Variants in ZFP62 observed in about 807,000 individuals in gnomAD.
ZFP62 encodes the protein ZFP62 zinc finger protein, also known as zinc finger protein 62 homolog.
Under a neutral mutation model 56.4 loss-of-function variants are expected in ZFP62, and 44 were observed. The ratio of observed to expected loss-of-function variants is 0.78; its 90% CI spans 0.61 to 1.00. The LOEUF (loss-of-function observed/expected upper bound fraction) is 1.00, where lower values mean the gene tolerates loss of function less well. Ranked by LOEUF, ZFP62 falls within the 50% of genes least tolerant of loss-of-function variation. ZFP62 has a pLI of 0.00. For synonymous variants in ZFP62, 421 were observed against 388.9 expected (o/e 1.08, Z -0.97); for missense variants, 1,030 against 1,085.7 (o/e 0.95, Z 0.72).
At chr5:180,834,103 T>C in the ZFP62 span, among the ~76,000 whole-genome samples, 1 of 152,206 alleles carries the variant, frequency 6.6e-6, no homozygotes, top group Admixed American at 6.5e-5. Context: ...CTTTGGGAAG[T>C]AACTAATTAG....
At chr5:180,842,112 A>G in the ZFP62 span, among the ~76,000 whole-genome samples, 1 of 152,330 alleles carries the variant, frequency 6.6e-6, no homozygotes, top group East Asian at 1.9e-4. Flanking sequence ...TGAGCACTCA[A>G]TGGGTATATT....
the ZFP62 span, among the ~76,000 whole-genome samples, chr5:180,837,072 C>T: frequency 2.0e-3 from 309 of 152,310 alleles, no homozygotes; most frequent in Admixed American, 3.7e-3. Flanking sequence ...CTTCCCAGAG[C>T]AATGAAGCTT....
downstream of ZFP62, among the ~76,000 whole-genome samples, chr5:180,844,699 C>G (rs1396743807): frequency 6.6e-6 from 1 of 152,188 alleles, no homozygotes; most frequent in Non-Finnish European, 1.5e-5. Flanking sequence ...AAAGACAAAA[C>G]ATGTTTGTTT....
chr5:180,840,602 CA>C, the ZFP62 span, among the ~76,000 whole-genome samples: 1 of 151,856 alleles, frequency 6.6e-6, no homozygotes, highest in East Asian at 1.9e-4. Flanking sequence ...ACTAAAAATA[CA>C]AAAATGAGCC....
At chr5:180,835,059 G>C in the ZFP62 span, 1 of 152,342 alleles carries the variant, frequency 6.6e-6, no homozygotes, top group African/African-American at 2.4e-5. Flanking sequence ...CCAGCCTTCA[G>C]AACTCTAAGA....
chr5:180,831,685 GCCCAACGA>G, the ZFP62 span: 1 of 152,542 alleles, frequency 6.6e-6, no homozygotes, highest in Non-Finnish European at 1.5e-5. Context: ...ACCCGGACCT[GCCCAACGA>G]CCGTTCTCCA....
rs371983994 is a variant in ZFP62 at position 180,853,253 on chromosome 5, GC to G, written c.2-1761del. Among the ~76,000 whole-genome samples the G allele has an allele frequency of 2.6e-3, 401 of 152,302 alleles. 2 individuals are homozygous for G. Among genetic ancestry groups the G allele is most frequent in the African/African-American group, 9.0e-3 (375 of 41,572 alleles). Reference sequence around the variant, plus strand: ...GGAGTACTGAAAAAGGACGAGGAGCGCTTCTGAATTGATATGGAGCAATCTG... The same window carrying G: ...GGAGTACTGAAAAAGGACGAGGAGCGTTCTGAATTGATATGGAGCAATCTG... On this transcript the variant is annotated intron_variant, in intron 1 of 1. Coordinates refer to ENST00000502412, the MANE Select transcript of ZFP62 (RefSeq NM_001172638.2).
intron 1 of ZFP62, chr5:180,860,431 A>C (rs1774237687): frequency 6.6e-6 from 1 of 152,148 alleles, no homozygotes; most frequent in Non-Finnish European, 1.5e-5. Context: ...CAGCACACCC[A>C]GCCCTGGCAT....
chr5:180,858,506 G>T (rs1039850859), intron 1 of ZFP62, among the ~76,000 whole-genome samples: 2 of 152,052 alleles, frequency 1.3e-5, no homozygotes, highest in African/African-American at 4.8e-5. Context: ...GACTTGGGAG[G>T]CTGAGGCACA....
At chr5:180,836,145 G>C in the ZFP62 span, among the ~76,000 whole-genome samples, 2 of 152,210 alleles carry the variant, frequency 1.3e-5, no homozygotes, top group African/African-American at 4.8e-5. Context: ...CTAGGTTTGT[G>C]AGTGTGCCCT....
downstream of ZFP62, among the ~76,000 whole-genome samples, chr5:180,843,934 A>G (rs1581953585): frequency 4.6e-5 from 7 of 152,380 alleles, 2 homozygotes; most frequent in Admixed American, 4.6e-4. Flanking sequence ...CAACAATAAC[A>G]AAAATATAAC....
chr5:180,831,063 C>G, the ZFP62 span: 2 of 152,482 alleles, frequency 1.3e-5, no homozygotes, highest in Admixed American at 1.3e-4. Context: ...CAGGAACTTA[C>G]TGGGGCTGCA....
At chr5:180,827,874 A>G in the ZFP62 span, among the ~76,000 whole-genome samples, 1 of 152,236 alleles carries the variant, frequency 6.6e-6, no homozygotes, top group Non-Finnish European at 1.5e-5. Flanking sequence ...TGCGGGCAGC[A>G]ATACTGCTTT....
chr5:180,847,651 C>T lies in ZFP62; in HGVS notation c.*1141G>A. 3 of 985,434 alleles carry T rather than the reference C, an allele frequency of 3.0e-6. No homozygotes were observed. Among genetic ancestry groups the T allele is most frequent in the South Asian group, 9.4e-5 (2 of 21,292 alleles). The allele number at this position is 985,434 out of a possible 1,614,324, so 61.0% of individuals were successfully genotyped here. A position where few individuals can be genotyped will look rare whatever the true frequency, so the allele number is the denominator to read the frequency against. ...TTTCTTTATTGGAATTCCACTTTAC[C>T]TCGCCACAAGGAGCTGGCTTTCATG... On this transcript the variant is annotated 3_prime_UTR_variant, in exon 2 of 2. Coordinates refer to ENST00000502412, the MANE Select transcript of ZFP62 (RefSeq NM_001172638.2).
intron 1 of ZFP62, among the ~76,000 whole-genome samples, chr5:180,853,861 G>A (rs1186993409): frequency 1.3e-5 from 2 of 152,202 alleles, no homozygotes; most frequent in African/African-American, 4.8e-5. Flanking sequence ...GTTGGGCTCA[G>A]GGCTCTCCTA....
At chr5:180,845,587 T>C (rs1773395458), downstream of ZFP62, 1 of 413,462 alleles carries the variant, frequency 2.4e-6, no homozygotes, top group South Asian at 1.0e-4. Flanking sequence ...AGGAAGACAA[T>C]TGAAGTACTG....
intron 1 of ZFP62, among the ~76,000 whole-genome samples, chr5:180,857,786 C>T (rs1000065098): frequency 1.1e-4 from 15 of 137,380 alleles, no homozygotes; most frequent in South Asian, 2.4e-4. Context: ...CGTGAACCAC[C>T]GCACCCAGAC....
Position 180,848,618 on chromosome 5 carries a change from A to G in ZFP62, c.*174T>C. On this transcript the variant is annotated 3_prime_UTR_variant, in exon 2 of 2. Transcript: ENST00000502412. ...CCTGTAAGAGCTGAACTACCTTGACACTGGAGCCTTTCTTGCTTGCTATGA... is the reference window on the plus strand; with the variant it reads ...CCTGTAAGAGCTGAACTACCTTGACGCTGGAGCCTTTCTTGCTTGCTATGA... 3 of 1,365,634 alleles carry G rather than the reference A, an allele frequency of 2.2e-6. No individual in the cohort carries two copies. Among genetic ancestry groups the G allele is most frequent in the South Asian group, 2.1e-5 (1 of 47,428 alleles). 84.6% of individuals were successfully genotyped at this position (1,365,634 alleles called of 1,614,324 possible).
downstream of ZFP62, among the ~76,000 whole-genome samples, chr5:180,845,264 G>C (rs1773389131): frequency 6.9e-6 from 1 of 145,430 alleles, no homozygotes; most frequent in Non-Finnish European, 1.5e-5. Context: ...AGCTCAGGAG[G>C]TGGAGACTGC....
Sources: allele counts gnomAD v4.1 joint callset (sites outside exome capture counted in the v4.1 genomes callset), GRCh38; gene constraint gnomAD v4.1.1; transcripts MANE v1.5; gene names NCBI Gene and HGNC (gene_info 2026-07-23, HGNC 2026-07-21).